The following ANKRD31 variants were observed in gnomAD, a reference collection of about 807,000 sequenced individuals.
ANKRD31 encodes ankyrin repeat domain 31, also known as ankyrin repeat domain-containing protein 31.
In ANKRD31, 147 loss-of-function variants were observed where a neutral mutation model predicts 186.0. The ratio of observed to expected loss-of-function variants is 0.79; its 90% CI spans 0.69 to 0.91. The LOEUF (loss-of-function observed/expected upper bound fraction) is 0.91. Ranked by LOEUF, ANKRD31 falls within the 40% of genes least tolerant of loss-of-function variation. ANKRD31 has a pLI of 0.00. For missense variants in ANKRD31, 1,986 were observed against 2,148.8 expected (o/e 0.92, Z 1.50); for synonymous variants, 673 against 736.4 (o/e 0.91, Z 1.39).
chr5:75,088,978 C>T (rs1745725118), intron 23 of ANKRD31, among the ~76,000 whole-genome samples: 1 of 152,156 alleles, frequency 6.6e-6, no homozygotes, highest in African/African-American at 2.4e-5. Flanking sequence ...CTTACTGAGG[C>T]TGCACATTAG....
intron 25 of ANKRD31, among the ~76,000 whole-genome samples, chr5:75,076,381 G>A (rs1233905540): frequency 2.0e-5 from 3 of 152,114 alleles, no homozygotes; most frequent in African/African-American, 7.2e-5. Context: ...ATGACTCACA[G>A]AACTCAGGAA....
chr5:75,096,480 T>C (rs1195176549), intron 22 of ANKRD31, among the ~76,000 whole-genome samples: 32 of 152,202 alleles, frequency 2.1e-4, no homozygotes, highest in Admixed American at 1.2e-3. Flanking sequence ...GCTCTAATGA[T>C]AGTTTCTTTT....
intron 4 of ANKRD31, among the ~76,000 whole-genome samples, chr5:75,210,559 T>C (rs1343085190): frequency 6.6e-6 from 1 of 152,234 alleles, no homozygotes; most frequent in African/African-American, 2.4e-5. Context: ...TTTATTTATT[T>C]GCAGCCCCTT....
chr5:75,074,315 T>C (rs1744460066), intron 25 of ANKRD31, among the ~76,000 whole-genome samples: 1 of 152,206 alleles, frequency 6.6e-6, no homozygotes, highest in South Asian at 2.1e-4. Flanking sequence ...GTTCTCATCA[T>C]CTTAATCTTT....
chr5:75,099,920 C>T (rs779748311), intron 22 of ANKRD31, among the ~76,000 whole-genome samples: 26 of 152,030 alleles, frequency 1.7e-4, no homozygotes, highest in Non-Finnish European at 3.2e-4. Context: ...GTCTCTATTT[C>T]CCTCAGTTCT....
chr5:75,130,699 G>C (rs1210673312), intron 17 of ANKRD31, among the ~76,000 whole-genome samples: 1 of 152,218 alleles, frequency 6.6e-6, no homozygotes, highest in Admixed American at 6.5e-5. Context: ...GTGCTGATTG[G>C]TGCATTTACA....
chr5:75,070,776 G>C (rs1744161841), intron 25 of ANKRD31, among the ~76,000 whole-genome samples: 1 of 152,150 alleles, frequency 6.6e-6, no homozygotes, highest in Admixed American at 6.6e-5. Flanking sequence ...AAAGTTCCTA[G>C]GACTAGGAAA....
intron 3 of ANKRD31, 89 bp downstream of exon 3, chr5:75,222,160 C>A: frequency 5.4e-6 from 5 of 931,548 alleles, no homozygotes; most frequent in South Asian, 2.2e-5. Flanking sequence ...AAAATATAGA[C>A]AAAAAGAATT....
intron 4 of ANKRD31, among the ~76,000 whole-genome samples, chr5:75,207,116 C>T (rs1253370130): frequency 6.6e-6 from 1 of 152,010 alleles, no homozygotes; most frequent in East Asian, 1.9e-4. Flanking sequence ...AATCAAGATA[C>T]CTTCCTTTAA....
At chr5:75,080,806 C>G (rs1745023639) in intron 24 of ANKRD31, among the ~76,000 whole-genome samples, 167 bp from the exon 25 acceptor site, 1 of 152,144 alleles carries the variant, frequency 6.6e-6, no homozygotes. Context: ...ATGGCTCTTC[C>G]TACTTCCCCT....
intron 17 of ANKRD31, among the ~76,000 whole-genome samples, chr5:75,135,797 T>C (rs934007259): frequency 3.3e-5 from 5 of 152,194 alleles, no homozygotes; most frequent in Non-Finnish European, 2.9e-5. Context: ...CAAAACAGCA[T>C]GGTACTGGCA....
Position 75,193,269 on chromosome 5 carries a change from C to T in ANKRD31, c.1298+42G>A. 3 of 1,517,182 alleles carry T rather than the reference C, an allele frequency of 2.0e-6. No individual in the cohort carries two copies. In the South Asian group the frequency reaches 3.7e-5, roughly 19 times the overall value. 94.0% of individuals were successfully genotyped at this position (1,517,182 alleles called of 1,614,324 possible). On this transcript the variant is annotated intron_variant, in intron 8 of 25. Transcript: ENST00000506364. ...CCAAGCATATAATTATCTATAATGT[C>T]TATAGCATACCTGGAGATAAAGACA...
chr5:75,141,077 C>T (rs1424218077), intron 15 of ANKRD31, among the ~76,000 whole-genome samples: 1 of 152,166 alleles, frequency 6.6e-6, no homozygotes, highest in Admixed American at 6.5e-5. Context: ...CTGATGCAAA[C>T]TAAGGTTTGA....
Position 75,137,035 on chromosome 5 carries a change from G to T in ANKRD31, c.3876+821C>A, listed in dbSNP as rs183099069. ...TCATGGGGTGGGGGTAGGGGGGAGGGATAGCATTAGGAGATATACCTAATG... is the reference window on the plus strand; with the variant it reads ...TCATGGGGTGGGGGTAGGGGGGAGGTATAGCATTAGGAGATATACCTAATG... On this transcript the variant is annotated intron_variant, in intron 17 of 25. Coordinates refer to ENST00000506364, the MANE Select transcript of ANKRD31 (RefSeq NM_001372053.1). Among the ~76,000 whole-genome samples the T allele has an allele frequency of 4.9e-3, 740 of 151,998 alleles. 8 individuals carry two copies. Among genetic ancestry groups the T allele is most frequent in the Middle Eastern group, 0.024 (7 of 294 alleles).
intron 2 of ANKRD31, among the ~76,000 whole-genome samples, chr5:75,224,669 CTATAAA>C (rs1204062671): frequency 6.6e-6 from 1 of 151,932 alleles, no homozygotes; most frequent in African/African-American, 2.4e-5. Flanking sequence ...AATATAAAAG[CTATAAA>C]TATAATCAAT....
intron 4 of ANKRD31, 92 bp downstream of exon 4, chr5:75,210,736 T>C: frequency 3.2e-6 from 3 of 937,810 alleles, no homozygotes; most frequent in Non-Finnish European, 4.5e-6. Context: ...TATACAATAA[T>C]TCTAAAACTC....
chr5:75,192,467 A>C (rs1755178375), intron 9 of ANKRD31, among the ~76,000 whole-genome samples, 200 bp downstream of exon 9: 1 of 152,184 alleles, frequency 6.6e-6, no homozygotes, highest in Admixed American at 6.6e-5. Flanking sequence ...AAAAAGTACT[A>C]ATCTATGAGT....
chr5:75,167,200 T>C lies in ANKRD31; in HGVS notation c.1707+1779A>G, dbSNP rs868820725. On this transcript the variant is annotated intron_variant, in intron 11 of 25. Coordinates refer to ENST00000506364, the MANE Select transcript of ANKRD31 (RefSeq NM_001372053.1). The stretch of plus-strand genomic sequence containing the variant: ...TTTTTTTTTTTTACTGCTTTTTCAC[T>C]TTTAGAAAATAGGATATTATCTTTT... 1.4e-3 allele frequency among the ~76,000 whole-genome samples: 217 copies of C among 152,266 alleles called. 1 individual carries two copies. The highest frequency in any genetic ancestry group is 5.1e-3 in the African/African-American group (213 of 41,560).
intron 17 of ANKRD31, among the ~76,000 whole-genome samples, chr5:75,123,623 G>C (rs1035742041): frequency 6.6e-6 from 1 of 151,982 alleles, no homozygotes; most frequent in South Asian, 2.1e-4. Context: ...TAAAAGAATA[G>C]AGAACCCAAA....
Sources: allele counts gnomAD v4.1 joint callset (sites outside exome capture counted in the v4.1 genomes callset), GRCh38; gene constraint gnomAD v4.1.1; transcripts MANE v1.5; gene names NCBI Gene and HGNC (gene_info 2026-07-23, HGNC 2026-07-21).